GALNT14: variants seen among roughly 807,000 people sequenced by gnomAD.
GALNT14 encodes the protein polypeptide N-acetylgalactosaminyltransferase 14, also known as UDP-GalNAc:polypeptide N-acetylgalactosaminyltransferase 14.
A neutral mutation model predicts 77.5 loss-of-function variants in GALNT14; 60 were observed. The ratio of observed to expected loss-of-function variants is 0.77; its 90% CI spans 0.63 to 0.96. The LOEUF is 0.96. Ranked by LOEUF, GALNT14 falls within the 40% of genes least tolerant of loss-of-function variation. The probability of loss-of-function intolerance (pLI) is 0.00; values close to 1 mark genes in which losing one functional copy is unlikely to be tolerated. For synonymous variants in GALNT14, 280 were observed against 281.7 expected (o/e 0.99, Z 0.06); for missense variants, 710 against 731.0 (o/e 0.97, Z 0.33).
intron 1 of GALNT14, among the ~76,000 whole-genome samples, chr2:31,017,796 C>A (rs371435356): frequency 6.6e-6 from 1 of 152,140 alleles, no homozygotes; most frequent in Admixed American, 6.5e-5. Context: ...TAAAAGGCAA[C>A]CAATTTAAAA....
At position 31,055,473 on chromosome 2, in the gene GALNT14, C is replaced by T. The variant is rs1409594311; in HGVS notation, c.130-62466G>A. Among the ~76,000 whole-genome samples, 18 of 152,184 alleles carry T rather than the reference C, an allele frequency of 1.2e-4. 1 individual carries two copies. Among genetic ancestry groups the T allele is most frequent in the Admixed American group, 1.2e-3 (18 of 15,286 alleles). On this transcript the variant is annotated intron_variant, in intron 1 of 14. Transcript: ENST00000349752. ...AACTTCAGGGGAAAAATAGAACAGTCCAGGTCAACTGGGACTCCAGTTACT... is the reference window on the plus strand; with the variant it reads ...AACTTCAGGGGAAAAATAGAACAGTTCAGGTCAACTGGGACTCCAGTTACT...
At chr2:31,046,337 C>T (rs1036322578) in intron 1 of GALNT14, among the ~76,000 whole-genome samples, 12 of 151,822 alleles carry the variant, frequency 7.9e-5, no homozygotes, top group African/African-American at 2.7e-4. Context: ...AGCGATTCTC[C>T]TGCCTCAGCC....
chr2:30,976,294 G>C (rs1174343557), intron 2 of GALNT14, among the ~76,000 whole-genome samples: 1 of 152,174 alleles, frequency 6.6e-6, no homozygotes, highest in Non-Finnish European at 1.5e-5. Context: ...GGCTCAGAAG[G>C]ACCACATGAC....
chr2:31,029,807 C>A (rs1672299587), intron 1 of GALNT14, among the ~76,000 whole-genome samples: 1 of 152,196 alleles, frequency 6.6e-6, no homozygotes, highest in African/African-American at 2.4e-5. Context: ...CAACTTCTAT[C>A]TTGATTGACT....
intron 1 of GALNT14, among the ~76,000 whole-genome samples, chr2:31,053,940 G>A (rs1245432129): frequency 2.0e-5 from 3 of 152,152 alleles, no homozygotes; most frequent in South Asian, 2.1e-4. Flanking sequence ...CCCTGCCATC[G>A]TTTGGTAAGA....
chr2:30,985,724 A>C lies in GALNT14; in HGVS notation c.299+7114T>G, dbSNP rs148927034. Among the ~76,000 whole-genome samples, 427 of 152,322 alleles carry C rather than the reference A, an allele frequency of 2.8e-3. 1 individual carries two copies. The highest frequency in any genetic ancestry group is 3.1e-3 in the Non-Finnish European group (214 of 68,032). On this transcript the variant is annotated intron_variant, in intron 2 of 14. Transcript: ENST00000349752. ...ACTTAGGCCCACTATCAACAGGCTC[A>C]CATCCTGTATTGAAAAGTGGCACAT... is the stretch of plus-strand genomic sequence containing the variant.
chr2:31,013,481 C>G (rs1028787349), intron 1 of GALNT14, among the ~76,000 whole-genome samples: 1 of 152,204 alleles, frequency 6.6e-6, no homozygotes, highest in Non-Finnish European at 1.5e-5. Flanking sequence ...CCTCAAACTT[C>G]CCCGCGGCAG....
In GALNT14 at chr2:30,955,999, C is replaced by A. The variant is rs778258858; in HGVS notation, c.467-22G>T. The A allele has an allele frequency of 2.5e-6, 4 of 1,613,618 alleles. No individual in the cohort carries two copies. In the African/African-American group the frequency reaches 5.3e-5, roughly 22 times the overall value. On this transcript the variant is annotated intron_variant, in intron 4 of 14. Coordinates refer to ENST00000349752, the MANE Select transcript of GALNT14 (RefSeq NM_024572.4). Reference sequence around the variant, plus strand: ...TCAGCTGCAAAGACAAAAGGTTAAGCCAATTGAGCGCCCAGGGATGGACCT... The same window carrying A: ...TCAGCTGCAAAGACAAAAGGTTAAGACAATTGAGCGCCCAGGGATGGACCT...
intron 1 of GALNT14, among the ~76,000 whole-genome samples, chr2:31,120,063 G>C (rs1346583726): frequency 9.8e-6 from 1 of 101,562 alleles, no homozygotes; most frequent in Non-Finnish European, 2.4e-5. Flanking sequence ...GGCTGAGGCA[G>C]GAGAATGGCG....
chr2:30,953,305 CT>C (rs34668885), intron 6 of GALNT14, among the ~76,000 whole-genome samples: 21,289 of 116,964 alleles, frequency 0.18, 1,312 homozygotes, highest in East Asian at 0.28. Context: ...AATTTCCTTC[CT>C]TTTTTTTTTT....
chr2:30,898,525 C>T, the GALNT14 span, among the ~76,000 whole-genome samples: 1 of 152,314 alleles, frequency 6.6e-6, no homozygotes, highest in Non-Finnish European at 1.5e-5. Flanking sequence ...TTAGCTCCTT[C>T]ACAGAGGAGA....
At chr2:30,898,015 C>T in the GALNT14 span, among the ~76,000 whole-genome samples, 1 of 152,176 alleles carries the variant, frequency 6.6e-6, no homozygotes, top group Admixed American at 6.5e-5. Context: ...GTCCCTCAAA[C>T]TCATATGTTA....
intron 8 of GALNT14, among the ~76,000 whole-genome samples, chr2:30,943,352 C>T (rs1485022441): frequency 6.6e-6 from 1 of 152,158 alleles, no homozygotes; most frequent in East Asian, 1.9e-4. Flanking sequence ...TGGGCAAGCC[C>T]TCAAAGACCT....
chr2:31,111,326 A>T (rs1377125609), intron 1 of GALNT14, among the ~76,000 whole-genome samples: 1 of 152,270 alleles, frequency 6.6e-6, no homozygotes, highest in African/African-American at 2.4e-5. Flanking sequence ...GTCTCCAGGC[A>T]AAAGGGCCAG....
At chr2:30,935,276 C>A (rs1279447864) in intron 9 of GALNT14, among the ~76,000 whole-genome samples, 1 of 152,186 alleles carries the variant, frequency 6.6e-6, no homozygotes, top group African/African-American at 2.4e-5. Context: ...CCCCTGACAC[C>A]ACCCTGCCTC....
chr2:30,985,659 T>G (rs1669254144), intron 2 of GALNT14, among the ~76,000 whole-genome samples: 1 of 152,032 alleles, frequency 6.6e-6, no homozygotes, highest in African/African-American at 2.4e-5. Flanking sequence ...TGCTCTGGAG[T>G]GAACTCAGAG....
chr2:31,099,845 T>C (rs1459887671), intron 1 of GALNT14, among the ~76,000 whole-genome samples: 2 of 152,018 alleles, frequency 1.3e-5, no homozygotes, highest in Non-Finnish European at 2.9e-5. Context: ...ATGGGTTTTT[T>C]CAGAATTTTT....
Position 31,138,262 on chromosome 2 carries a change from C to G in GALNT14, c.-176G>C. ...GCGCCCTTCCCGCTTCGAAGAGAAG[C>G]GAGCCTGGGTGGGGGGTGCAGGGCG... On this transcript the variant is annotated 5_prime_UTR_variant, in exon 1 of 15. Coordinates refer to ENST00000349752, the MANE Select transcript of GALNT14 (RefSeq NM_024572.4). 1.3e-6 allele frequency: 1 copy of G among 774,582 alleles called. No individual in the cohort carries two copies. The highest frequency in any genetic ancestry group is 2.0e-6 in the Non-Finnish European group (1 of 493,596). 48.0% of individuals were successfully genotyped at this position (774,582 alleles called of 1,614,324 possible).
chr2:31,100,616 C>T (rs551282082), intron 1 of GALNT14, among the ~76,000 whole-genome samples: 2 of 151,676 alleles, frequency 1.3e-5, no homozygotes. Context: ...AGCATAGATC[C>T]TTGTTCTTTA....
Sources: gnomAD v4.1 joint callset for allele counts (sites outside exome capture counted in the v4.1 genomes callset) on GRCh38, gnomAD v4.1.1 for gene constraint, MANE v1.5 for transcripts, NCBI Gene and HGNC (gene_info 2026-07-23, HGNC 2026-07-21) for gene names.